The following STOX2 variants were observed in gnomAD, a reference collection of about 807,000 sequenced individuals.
STOX2 encodes the protein storkhead-box protein 2.
STOX2 carries 28 observed loss-of-function variants against 60.9 expected under a neutral mutation model. The observed-to-expected ratio is 0.46, with a 90% CI of 0.34 to 0.63. STOX2 has a LOEUF of 0.63. Ranked by LOEUF, STOX2 falls within the 30% of genes least tolerant of loss-of-function variation. STOX2 has a pLI of 0.01. For synonymous variants in STOX2, 472 were observed against 463.9 expected (o/e 1.02, Z -0.22); for missense variants, 1,024 against 1,187.7 (o/e 0.86, Z 2.03).
In STOX2 at chr4:184,021,112, C is replaced by T. The variant is rs1734571791; in HGVS notation, c.*3828C>T. On this transcript the variant is annotated 3_prime_UTR_variant, in exon 4 of 4. Transcript: ENST00000308497. ...TTTTTGAAAGTCTTGCCATTTATAA[C>T]ATGGGCAGTATTTGGAGCTTCATTT... 6.6e-6 allele frequency: 1 copy of T among 152,210 alleles called. No homozygotes were observed. The highest frequency in any genetic ancestry group is 2.4e-5 in the African/African-American group (1 of 41,456). 9.4% of individuals were successfully genotyped at this position (152,210 alleles called of 1,614,324 possible).
intron 1 of STOX2, among the ~76,000 whole-genome samples, chr4:183,840,177 C>T (rs573319040): frequency 5.0e-4 from 76 of 152,218 alleles, no homozygotes; most frequent in Middle Eastern, 6.8e-3. Context: ...CTTTTGGAAT[C>T]AAGTCTTTTG....
intron 1 of STOX2, among the ~76,000 whole-genome samples, chr4:183,826,175 G>C (rs1352477515): frequency 6.6e-6 from 1 of 152,110 alleles, no homozygotes. Flanking sequence ...CAGTGCAGTT[G>C]ATTCGAGGAC....
At chr4:183,960,406 C>T (rs1226453230) in intron 1 of STOX2, 1 of 152,196 alleles carries the variant, frequency 6.6e-6, no homozygotes, top group Admixed American at 6.5e-5. Context: ...GGAAGTTTTA[C>T]AGCTGCCTTT....
At chr4:183,931,322 G>C (rs1742414794) in intron 1 of STOX2, among the ~76,000 whole-genome samples, 1 of 152,060 alleles carries the variant, frequency 6.6e-6, no homozygotes, top group Non-Finnish European at 1.5e-5. Context: ...TACTTGGGTG[G>C]CTGAGGCGGG....
At chr4:183,819,581 GGAGGGA>G (rs1161259650) in intron 1 of STOX2, among the ~76,000 whole-genome samples, 3 of 126,514 alleles carry the variant, frequency 2.4e-5, no homozygotes, top group African/African-American at 9.4e-5. Flanking sequence ...AGGGGGAGGG[GGAGGGA>G]GAGGGAGAGT....
At chr4:183,940,036 G>A (rs1742709753) in intron 1 of STOX2, among the ~76,000 whole-genome samples, 4 of 152,138 alleles carry the variant, frequency 2.6e-5, no homozygotes. Context: ...CCTGAGTACT[G>A]GAATTACAGG....
chr4:183,928,059 G>T (rs748207219), intron 1 of STOX2, among the ~76,000 whole-genome samples: 1 of 152,210 alleles, frequency 6.6e-6, no homozygotes, highest in Non-Finnish European at 1.5e-5. Flanking sequence ...ATGAACAGAG[G>T]TGCTAAGGAT....
intron 1 of STOX2, among the ~76,000 whole-genome samples, chr4:183,808,306 C>G (rs1331352805): frequency 6.6e-6 from 1 of 152,236 alleles, no homozygotes; most frequent in South Asian, 2.1e-4. Flanking sequence ...AGCAGTGCCT[C>G]TGGGCTCCAG....
intron 1 of STOX2, among the ~76,000 whole-genome samples, chr4:183,975,336 A>G (rs1045651639): frequency 2.6e-5 from 4 of 152,234 alleles, no homozygotes; most frequent in Non-Finnish European, 1.5e-5. Flanking sequence ...AATTTTATAA[A>G]GATAAGAGTA....
rs1470067915 is a variant in STOX2, at chr4:184,019,497, C to T, written c.*2213C>T. ...AACAACACATCAGCCTCTAGCTGAT[C>T]CTCTGAAAGTAGCCATTGAAATAAT... On this transcript the variant is annotated 3_prime_UTR_variant, in exon 4 of 4. Coordinates refer to ENST00000308497, the MANE Select transcript of STOX2 (RefSeq NM_020225.3). 6.6e-6 allele frequency: 1 copy of T among 152,180 alleles called. No individual in the cohort carries two copies. Among genetic ancestry groups the T allele is most frequent in the Non-Finnish European group, 1.5e-5 (1 of 68,038 alleles). The allele number at this position is 152,180 out of a possible 1,614,324, so 9.4% of individuals were successfully genotyped here. A position where few individuals can be genotyped will look rare whatever the true frequency, so the allele number is the denominator to read the frequency against.
intron 1 of STOX2, among the ~76,000 whole-genome samples, chr4:183,832,852 A>C (rs775109045): frequency 3.9e-5 from 6 of 152,242 alleles, no homozygotes; most frequent in Non-Finnish European, 7.3e-5. Context: ...TCAATTAAAA[A>C]GATGAGGTAA....
intron 1 of STOX2, among the ~76,000 whole-genome samples, chr4:183,984,649 T>C (rs1424982309): frequency 2.0e-5 from 3 of 152,236 alleles, no homozygotes; most frequent in African/African-American, 7.2e-5. Flanking sequence ...TGCGAGACCA[T>C]TAGCCATCAA....
At chr4:183,876,612 T>C (rs541668114) in intron 1 of STOX2, among the ~76,000 whole-genome samples, 1 of 152,178 alleles carries the variant, frequency 6.6e-6, no homozygotes, top group Non-Finnish European at 1.5e-5. Context: ...GCCCCACCTG[T>C]ATGGAGGCAG....
In STOX2 at chr4:183,955,202, G is replaced by T. The variant is rs114713011; in HGVS notation, c.167-46123G>T. Among the ~76,000 whole-genome samples the T allele has an allele frequency of 1.3e-4, 20 of 152,118 alleles. No homozygotes were observed. The East Asian group carries it at 2.9e-3, about 22-fold the overall frequency. ...CTCACCTCACCTCCCTTTATCTTCC[G>T]CATGTACAAGAACTTACAGATAAAT... On this transcript the variant is annotated intron_variant, in intron 1 of 3. Coordinates refer to ENST00000308497, the MANE Select transcript of STOX2 (RefSeq NM_020225.3).
Position 183,995,291 on chromosome 4 carries a change from C to CTTTTT in STOX2, c.167-6006_167-6002dup, listed in dbSNP as rs61681165. Among the ~76,000 whole-genome samples the CTTTTT allele has an allele frequency of 2.5e-3, 201 of 79,406 alleles. 7 individuals are homozygous for CTTTTT. Among genetic ancestry groups the CTTTTT allele is most frequent in the African/African-American group, 4.5e-3 (72 of 16,118 alleles). The allele number at this position is 79,406 out of a possible 152,430, so 52.1% of individuals were successfully genotyped here. On this transcript the variant is annotated intron_variant, in intron 1 of 3. Coordinates refer to ENST00000308497, the MANE Select transcript of STOX2 (RefSeq NM_020225.3). Reference sequence around the variant, plus strand: ...ATAAAGGACAGGGCTTTATTTTAGTCTTTTTTTTTTTTTTTTTTTTTTTTT... The same window carrying CTTTTT: ...ATAAAGGACAGGGCTTTATTTTAGTCTTTTTTTTTTTTTTTTTTTTTTTTTTTTTT...
chr4:184,014,110 C>CAAAAAAAA (rs10527539), intron 3 of STOX2: 1 of 138,642 alleles, frequency 7.2e-6, no homozygotes, highest in African/African-American at 2.7e-5. Flanking sequence ...AAGCCCCAAC[C>CAAAAAAAA]AAAAAAAAAA....
chr4:183,945,039 G>T (rs939732028), intron 1 of STOX2, among the ~76,000 whole-genome samples: 3 of 152,162 alleles, frequency 2.0e-5, no homozygotes, highest in African/African-American at 4.8e-5. Context: ...GTGTTTAAAT[G>T]TCCTGGGAGA....
At chr4:183,964,393 A>G (rs947956829) in intron 1 of STOX2, among the ~76,000 whole-genome samples, 14 of 152,186 alleles carry the variant, frequency 9.2e-5, no homozygotes, top group African/African-American at 3.1e-4. Flanking sequence ...GATTGAGTCT[A>G]TGGTGAGGTT....
intron 1 of STOX2, among the ~76,000 whole-genome samples, chr4:183,961,439 G>A (rs898942581): frequency 1.3e-5 from 2 of 152,184 alleles, no homozygotes; most frequent in Non-Finnish European, 2.9e-5. Context: ...TCAGGCCACC[G>A]GCATGTGAGG....
Sources: gnomAD v4.1 joint callset for allele counts (sites outside exome capture counted in the v4.1 genomes callset) on GRCh38, gnomAD v4.1.1 for gene constraint, MANE v1.5 for transcripts, NCBI Gene and HGNC (gene_info 2026-07-23, HGNC 2026-07-21) for gene names.